Variants in SLC26A7 observed in about 807,000 individuals in gnomAD.
SLC26A7 encodes the protein anion exchange transporter.
In SLC26A7, 59 loss-of-function variants were observed where a neutral mutation model predicts 82.5. The observed-to-expected ratio is 0.72, with a 90% confidence interval of 0.58 to 0.89. SLC26A7 has a LOEUF of 0.89. Among genes scored for constraint, SLC26A7 ranks in the 40% least tolerant of loss-of-function variants. The pLI is 0.00. For missense variants in SLC26A7, 820 were observed against 793.0 expected (o/e 1.03, Z -0.41); for synonymous variants, 271 against 274.3 (o/e 0.99, Z 0.12).
At chr8:91,288,680 C>T (rs190561724) in intron 2 of SLC26A7, among the ~76,000 whole-genome samples, 517 of 152,284 alleles carry the variant, frequency 3.4e-3, no homozygotes, top group Middle Eastern at 0.017. Context: ...GTTGAGTATG[C>T]GTCCTTTTTG....
chr8:91,245,630 T>A (rs1810534986), upstream of SLC26A7, among the ~76,000 whole-genome samples: 1 of 152,216 alleles, frequency 6.6e-6, no homozygotes, highest in Admixed American at 6.5e-5. Flanking sequence ...CTTTTCATTG[T>A]AACCTCGATA....
At chr8:91,330,728 G>A (rs184534075) in intron 5 of SLC26A7, among the ~76,000 whole-genome samples, 405 of 152,226 alleles carry the variant, frequency 2.7e-3, no homozygotes, top group African/African-American at 9.2e-3. Context: ...AGTTATCAAA[G>A]TGATATATTT....
intron 2 of SLC26A7, among the ~76,000 whole-genome samples, chr8:91,286,335 C>T (rs1419951427): frequency 6.6e-6 from 1 of 152,174 alleles, no homozygotes; most frequent in Non-Finnish European, 1.5e-5. Context: ...TCTCCTGTAA[C>T]CATTATCATA....
At chr8:91,322,356 A>G (rs1296927862) in intron 5 of SLC26A7, among the ~76,000 whole-genome samples, 1 of 152,164 alleles carries the variant, frequency 6.6e-6, no homozygotes, top group Non-Finnish European at 1.5e-5. Context: ...AATATATTTT[A>G]AAATAAGAAG....
At chr8:91,376,666 T>C (rs1004645460) in intron 15 of SLC26A7, among the ~76,000 whole-genome samples, 6 of 152,106 alleles carry the variant, frequency 3.9e-5, no homozygotes, top group African/African-American at 1.4e-4. Flanking sequence ...AGTTTTTATT[T>C]TGTGGGGCAG....
intron 9 of SLC26A7, chr8:91,343,823 T>C (rs1813486473): frequency 3.7e-6 from 1 of 268,660 alleles, no homozygotes; most frequent in Non-Finnish European, 5.7e-6. Flanking sequence ...ATAAAATCGA[T>C]TATATGAAAA....
intron 5 of SLC26A7, 91 bp from the exon 6 acceptor site, chr8:91,334,204 A>C: frequency 3.2e-6 from 4 of 1,239,856 alleles, no homozygotes; most frequent in Non-Finnish European, 4.5e-6. Flanking sequence ...TAGTTTTATA[A>C]AACATCATTG....
At chr8:91,341,738 A>G (rs1813421276) in intron 8 of SLC26A7, among the ~76,000 whole-genome samples, 1 of 152,132 alleles carries the variant, frequency 6.6e-6, no homozygotes, top group Admixed American at 6.6e-5. Context: ...AAGGCTCTAC[A>G]TAACCTGCTA....
intron 6 of SLC26A7, among the ~76,000 whole-genome samples, chr8:91,335,205 A>C (rs919222635): frequency 6.6e-6 from 1 of 152,156 alleles, no homozygotes; most frequent in Non-Finnish European, 1.5e-5. Context: ...ACTTCATCTA[A>C]TAAAATATTC....
chr8:91,360,279 C>T (rs1814013092), intron 11 of SLC26A7, among the ~76,000 whole-genome samples: 1 of 152,072 alleles, frequency 6.6e-6, no homozygotes, highest in South Asian at 2.1e-4. Context: ...GATTGTGTCC[C>T]CTACTTAAGG....
intron 2 of SLC26A7, among the ~76,000 whole-genome samples, chr8:91,258,398 A>G (rs1563647123): frequency 1.4e-5 from 2 of 141,848 alleles, no homozygotes. Context: ...AATGCAAGTC[A>G]CCCCCCCATC....
intron 18 of SLC26A7, chr8:91,394,410 C>G: frequency 6.9e-7 from 1 of 1,455,320 alleles, no homozygotes; most frequent in Non-Finnish European, 9.0e-7. Context: ...TAAGTTTTTT[C>G]TGCTCTGATA....
chr8:91,324,502 G>A (rs1370262804), intron 5 of SLC26A7, among the ~76,000 whole-genome samples: 2 of 152,084 alleles, frequency 1.3e-5, no homozygotes, highest in African/African-American at 4.8e-5. Flanking sequence ...TAATCTGGGG[G>A]GATTTTACAA....
chr8:91,388,253 C>G (rs1056946304), intron 15 of SLC26A7, among the ~76,000 whole-genome samples: 2 of 151,246 alleles, frequency 1.3e-5, no homozygotes, highest in Non-Finnish European at 2.9e-5. Context: ...GCCTCAGCCT[C>G]CCGAGCGGGA....
chr8:91,294,283 A>T (rs182092697), intron 3 of SLC26A7, among the ~76,000 whole-genome samples: 1 of 152,334 alleles, frequency 6.6e-6, no homozygotes, highest in African/African-American at 2.4e-5. Context: ...AAGCCTCATA[A>T]CAATCCCATT....
intron 5 of SLC26A7, among the ~76,000 whole-genome samples, chr8:91,326,383 AGGCCTCCCCGCTTGGCTTGCAAAC>A (rs1016754798): frequency 6.6e-6 from 1 of 152,002 alleles, no homozygotes; most frequent in African/African-American, 2.4e-5. Context: ...GTTTCTTTTG[AGGCCTCCCCGCTTGGCTTGCAAAC>A]GGCCTCCCTC....
Position 91,288,319 on chromosome 8 carries a change from C to T in SLC26A7, c.194-817C>T, listed in dbSNP as rs577716694. On this transcript the variant is annotated intron_variant, in intron 2 of 18. Coordinates refer to ENST00000276609, the MANE Select transcript of SLC26A7 (RefSeq NM_052832.4). ...AATTGAAACATTTGAATGAATTTGT[C>T]GTTCCAAGGATCAGCCACAATCAAG... is the stretch of plus-strand genomic sequence containing the variant. 2.6e-5 allele frequency among the ~76,000 whole-genome samples: 4 copies of T among 152,224 alleles called. No homozygotes were observed. The East Asian group carries it at 5.8e-4, about 22-fold the overall frequency.
chr8:91,389,465 T>C, intron 16 of SLC26A7, 27 bp downstream of exon 16: 1 of 1,535,388 alleles, frequency 6.5e-7, no homozygotes, highest in Non-Finnish European at 9.0e-7. Flanking sequence ...TGTTTAGAAC[T>C]GTTTCTTCCC....
intron 2 of SLC26A7, among the ~76,000 whole-genome samples, chr8:91,287,773 A>G (rs1167259342): frequency 6.6e-6 from 1 of 152,182 alleles, no homozygotes; most frequent in East Asian, 1.9e-4. Context: ...GCTTACACTA[A>G]AAATGCCAAA....
Sources: gnomAD v4.1 joint callset for allele counts (sites outside exome capture counted in the v4.1 genomes callset) on GRCh38, gnomAD v4.1.1 for gene constraint, MANE v1.5 for transcripts, NCBI Gene and HGNC (gene_info 2026-07-23, HGNC 2026-07-21) for gene names.